The following UNC13C variants were observed in gnomAD, a reference collection of about 807,000 sequenced individuals.
UNC13C encodes the protein unc-13 homolog C.
A neutral mutation model predicts 245.4 loss-of-function variants in UNC13C; 174 were observed. The ratio of observed to expected loss-of-function variants is 0.71; its 90% CI spans 0.63 to 0.80. The LOEUF is 0.80. Among genes scored for constraint, UNC13C ranks in the 30% least tolerant of loss-of-function variants. The pLI, the probability that UNC13C is intolerant of heterozygous loss-of-function variation, is 0.00. For synonymous variants in UNC13C, 992 were observed against 895.1 expected, an observed-to-expected ratio of 1.11 and a Z score of -1.93; for missense variants, 2,829 against 2,602.9, an observed-to-expected ratio of 1.09 and a Z score of -1.89.
chr15:54,196,298 C>T (rs936845442), intron 4 of UNC13C, among the ~76,000 whole-genome samples: 4 of 151,830 alleles, frequency 2.6e-5, no homozygotes, highest in Admixed American at 2.6e-4. Flanking sequence ...AAATGCTGAT[C>T]TCACAAGCCC....
At chr15:54,555,702 T>C (rs2141197878) in intron 29 of UNC13C, among the ~76,000 whole-genome samples, 190 bp downstream of exon 29, 1 of 152,202 alleles carries the variant, frequency 6.6e-6, no homozygotes, top group East Asian at 1.9e-4. Flanking sequence ...ACCAACCTAA[T>C]ACATTCCTGG....
At chr15:53,967,152 T>C in the UNC13C span, among the ~76,000 whole-genome samples, 1 of 152,074 alleles carries the variant, frequency 6.6e-6, no homozygotes, top group Admixed American at 6.6e-5. Flanking sequence ...TATGAACTAT[T>C]AGGTTACGGT....
intron 22 of UNC13C, among the ~76,000 whole-genome samples, chr15:54,504,198 A>G (rs1202146487): frequency 3.3e-5 from 5 of 152,180 alleles, no homozygotes; most frequent in Non-Finnish European, 7.4e-5. Flanking sequence ...AAAAACAAAT[A>G]AACAAATATT....
intron 2 of UNC13C, among the ~76,000 whole-genome samples, chr15:54,062,133 A>G (rs1897868596): frequency 6.6e-6 from 1 of 151,878 alleles, no homozygotes; most frequent in Non-Finnish European, 1.5e-5. Context: ...CAGCCTGGCC[A>G]GCATGGTGAA....
At chr15:53,875,771 G>A in the UNC13C span, among the ~76,000 whole-genome samples, 1 of 152,274 alleles carries the variant, frequency 6.6e-6, no homozygotes, top group Non-Finnish European at 1.5e-5. Context: ...ACCATCCTGT[G>A]TTCGATTTTC....
At chr15:54,451,367 G>A (rs899831192) in intron 19 of UNC13C, among the ~76,000 whole-genome samples, 2 of 151,784 alleles carry the variant, frequency 1.3e-5, no homozygotes, top group African/African-American at 4.8e-5. Context: ...TTGTTAAATA[G>A]GTTTTTTTTA....
intron 2 of UNC13C, among the ~76,000 whole-genome samples, chr15:54,130,545 G>A (rs1221371514): frequency 1.3e-5 from 2 of 152,018 alleles, no homozygotes; most frequent in Admixed American, 6.6e-5. Flanking sequence ...ACCCGCCTCG[G>A]CCTCCCAAAG....
chr15:54,261,335 T>C (rs1329191521), intron 8 of UNC13C, among the ~76,000 whole-genome samples: 1 of 152,220 alleles, frequency 6.6e-6, no homozygotes, highest in African/African-American at 2.4e-5. Context: ...TGGCAAATTG[T>C]AACTATTTAA....
chr15:53,994,644 A>T (rs1354097471), intron 1 of UNC13C, among the ~76,000 whole-genome samples: 1 of 152,108 alleles, frequency 6.6e-6, no homozygotes, highest in Non-Finnish European at 1.5e-5. Context: ...TACTTTTACT[A>T]CAAAAGAAGG....
At chr15:54,421,419 G>C (rs11855193) in intron 19 of UNC13C, among the ~76,000 whole-genome samples, 38,926 of 151,822 alleles carry the variant, frequency 0.26, 5,138 homozygotes, top group African/African-American at 0.3. Context: ...TTCTTCCAAG[G>C]ATCCATGGAC....
At chr15:54,573,628 T>A (rs1897845884) in intron 30 of UNC13C, among the ~76,000 whole-genome samples, 1 of 152,206 alleles carries the variant, frequency 6.6e-6, no homozygotes, top group Non-Finnish European at 1.5e-5. Context: ...GTGGATATGA[T>A]GTTATGTATG....
chr15:54,268,710 T>A (rs1481272810), intron 10 of UNC13C, among the ~76,000 whole-genome samples: 1 of 152,066 alleles, frequency 6.6e-6, no homozygotes, highest in East Asian at 1.9e-4. Flanking sequence ...TTCAGCATAC[T>A]CTTCCTACTA....
intron 19 of UNC13C, among the ~76,000 whole-genome samples, chr15:54,452,417 G>A (rs1418106383): frequency 6.6e-6 from 1 of 152,142 alleles, no homozygotes; most frequent in Non-Finnish European, 1.5e-5. Flanking sequence ...GGCTGGGCAA[G>A]CTGGTCTTCT....
chr15:54,328,702 C>T (rs2038361123), intron 14 of UNC13C, among the ~76,000 whole-genome samples: 1 of 152,058 alleles, frequency 6.6e-6, no homozygotes, highest in South Asian at 2.1e-4. Context: ...CCTGAAGGTG[C>T]ACACTCCGAG....
intron 13 of UNC13C, among the ~76,000 whole-genome samples, chr15:54,307,878 G>C (rs982914023): frequency 3.9e-5 from 6 of 151,948 alleles, no homozygotes; most frequent in African/African-American, 1.4e-4. Context: ...CTTTAGTGAC[G>C]AGAATGAATA....
intron 13 of UNC13C, among the ~76,000 whole-genome samples, chr15:54,301,412 A>G (rs754034804): frequency 1.3e-5 from 2 of 151,050 alleles, no homozygotes; most frequent in Non-Finnish European, 2.9e-5. Context: ...TACATTAGGT[A>G]TTTCTCCTAA....
At chr15:54,280,391 C>G (rs1421697033) in intron 10 of UNC13C, among the ~76,000 whole-genome samples, 1 of 151,614 alleles carries the variant, frequency 6.6e-6, no homozygotes, top group Non-Finnish European at 1.5e-5. Flanking sequence ...ATACATGTAT[C>G]TACTTTGATA....
chr15:53,847,277 C>A, the UNC13C span, among the ~76,000 whole-genome samples: 1 of 151,828 alleles, frequency 6.6e-6, no homozygotes, highest in Non-Finnish European at 1.5e-5. Flanking sequence ...ATATCAAGAA[C>A]ATGGAAGATG....
At chr15:54,365,499 C>T (rs1282718720) in intron 17 of UNC13C, among the ~76,000 whole-genome samples, 3 of 152,124 alleles carry the variant, frequency 2.0e-5, no homozygotes, top group African/African-American at 7.2e-5. Context: ...CCATCAAGGC[C>T]ATAAACATAT....
Sources: allele counts gnomAD v4.1 joint callset (sites outside exome capture counted in the v4.1 genomes callset), GRCh38; gene constraint gnomAD v4.1.1; transcripts MANE v1.5; gene names NCBI Gene and HGNC (gene_info 2026-07-23, HGNC 2026-07-21).